PAX5: variants seen among roughly 807,000 people sequenced by gnomAD.
The protein encoded by PAX5 is paired box protein Pax-5.
PAX5 carries 9 observed loss-of-function variants against 43.7 expected under a neutral mutation model. The observed-to-expected ratio is 0.21, with a 90% CI of 0.12 to 0.36. The LOEUF (loss-of-function observed/expected upper bound fraction) is 0.36, where lower values mean the gene tolerates loss of function less well. PAX5 is among the 10% of genes least tolerant of loss of function. The probability of loss-of-function intolerance (pLI) is 1.00; values close to 1 mark genes in which losing one functional copy is unlikely to be tolerated. For missense variants in PAX5, 383 were observed against 532.7 expected, an observed-to-expected ratio of 0.72 and a Z score of 2.77; for synonymous variants, 228 against 214.3, an observed-to-expected ratio of 1.06 and a Z score of -0.56.
chr9:36,903,853 T>A (rs1828598514), intron 7 of PAX5, among the ~76,000 whole-genome samples: 1 of 152,182 alleles, frequency 6.6e-6, no homozygotes. Context: ...TCAGCTCTGT[T>A]CTTCAGATAG....
At chr9:37,006,950 A>C (rs1009832374) in intron 3 of PAX5, among the ~76,000 whole-genome samples, 1 of 152,148 alleles carries the variant, frequency 6.6e-6, no homozygotes, top group African/African-American at 2.4e-5. Context: ...TGTGGAATGA[A>C]GGAACTGAAC....
chr9:36,981,194 C>CG (rs1554676928), intron 5 of PAX5, among the ~76,000 whole-genome samples: 5 of 140,772 alleles, frequency 3.6e-5, no homozygotes, highest in Non-Finnish European at 4.8e-5. Context: ...AGCCCCCCCC[C>CG]CCTCAGCCCT....
intron 1 of PAX5, among the ~76,000 whole-genome samples, chr9:37,024,665 A>C (rs1840144467): frequency 6.6e-6 from 1 of 151,972 alleles, no homozygotes; most frequent in Non-Finnish European, 1.5e-5. Context: ...TGCCAGGGAG[A>C]TTGAAAATGG....
At chr9:36,968,730 C>A (rs1266059789) in intron 5 of PAX5, among the ~76,000 whole-genome samples, 1 of 152,174 alleles carries the variant, frequency 6.6e-6, no homozygotes, top group Non-Finnish European at 1.5e-5. Context: ...CCTGCTCCTG[C>A]CCACAGGACA....
intron 6 of PAX5, among the ~76,000 whole-genome samples, chr9:36,955,778 A>AT (rs1377679993): frequency 1.6e-4 from 12 of 76,992 alleles, no homozygotes; most frequent in African/African-American, 3.2e-4. Context: ...TTCAAAAAAA[A>AT]AAAAATATAT....
chr9:36,873,433 G>A (rs7026985), intron 8 of PAX5, among the ~76,000 whole-genome samples: 37,733 of 152,158 alleles, frequency 0.25, 5,794 homozygotes, highest in African/African-American at 0.44. Flanking sequence ...GGTCAAGTCT[G>A]TGTTCCTGCT....
In PAX5 at chr9:36,840,542, C is replaced by T. The variant is rs781779853; in HGVS notation, c.*18G>A. The stretch of plus-strand genomic sequence containing the variant: ...CAATAGGTGCCATCAGTGTTTGGTG[C>T]CCGCCTGGCTCCAAGGGTCAGTGAC... On this transcript the variant is annotated 3_prime_UTR_variant, in exon 10 of 10. Transcript: ENST00000358127. 1.3e-6 allele frequency: 2 copies of T among 1,574,326 alleles called. No homozygotes were observed. Among genetic ancestry groups the T allele is most frequent in the African/African-American group, 2.7e-5 (2 of 74,514 alleles).
chr9:36,982,469 G>C, intron 5 of PAX5, among the ~76,000 whole-genome samples: 1 of 152,122 alleles, frequency 6.6e-6, no homozygotes, highest in East Asian at 1.9e-4. Flanking sequence ...AAGGCCTGGA[G>C]ATGGACTTAC....
intron 8 of PAX5, among the ~76,000 whole-genome samples, chr9:36,865,002 C>T (rs1308994080): frequency 6.6e-6 from 1 of 152,250 alleles, no homozygotes; most frequent in Admixed American, 6.5e-5. Context: ...GGCCTTCCCG[C>T]CCGCGAAGGA....
intron 5 of PAX5, among the ~76,000 whole-genome samples, chr9:36,996,635 C>T (rs1443454205): frequency 2.0e-5 from 3 of 152,212 alleles, no homozygotes; most frequent in African/African-American, 7.2e-5. Flanking sequence ...ATCTATGCAT[C>T]CAGGGAAGGA....
chr9:37,022,551 A>G (rs1839944383), intron 1 of PAX5, among the ~76,000 whole-genome samples: 1 of 152,234 alleles, frequency 6.6e-6, no homozygotes, highest in African/African-American at 2.4e-5. Flanking sequence ...TTTTGATATG[A>G]CCTGGGAGTC....
chr9:37,011,144 A>AG (rs34093187), intron 3 of PAX5, among the ~76,000 whole-genome samples: 1,635 of 145,596 alleles, frequency 0.011, 12 homozygotes, highest in Non-Finnish European at 0.016. Flanking sequence ...AAAAAAAAAA[A>AG]AAAGAAAGAG....
At chr9:36,889,996 TATCTC>T (rs1238453149) in intron 7 of PAX5, among the ~76,000 whole-genome samples, 1 of 151,444 alleles carries the variant, frequency 6.6e-6, no homozygotes, top group Non-Finnish European at 1.5e-5. Context: ...ATAATGAACT[TATCTC>T]ATTTTGCTAC....
At chr9:36,862,313 T>A (rs920208154) in intron 8 of PAX5, among the ~76,000 whole-genome samples, 14 of 152,094 alleles carry the variant, frequency 9.2e-5, no homozygotes, top group Non-Finnish European at 1.9e-4. Flanking sequence ...GGACGATGCA[T>A]CCCGATTCTC....
At chr9:36,923,149 C>G (rs1407738791) in intron 7 of PAX5, 1 of 558,516 alleles carries the variant, frequency 1.8e-6, no homozygotes, top group Admixed American at 3.1e-5. Flanking sequence ...TTTGTTCTCC[C>G]CAGCTTTGTT....
At chr9:36,972,483 G>C (rs1371509837) in intron 5 of PAX5, among the ~76,000 whole-genome samples, 1 of 152,192 alleles carries the variant, frequency 6.6e-6, no homozygotes, top group Admixed American at 6.5e-5. Flanking sequence ...GTGCTAAGTA[G>C]TATTAAATGA....
chr9:36,980,984 G>A (rs1412543781), intron 5 of PAX5, among the ~76,000 whole-genome samples: 3 of 151,736 alleles, frequency 2.0e-5, no homozygotes, highest in South Asian at 4.2e-4. Flanking sequence ...CTCTTTCCCC[G>A]CTTATTCTGC....
At chr9:37,019,423 G>A (rs903404171) in intron 2 of PAX5, among the ~76,000 whole-genome samples, 1 of 152,106 alleles carries the variant, frequency 6.6e-6, no homozygotes, top group Non-Finnish European at 1.5e-5. Context: ...TGGAGGATGC[G>A]GAATGAACCC....
At position 36,834,617 on chromosome 9, in the gene PAX5, A is replaced by C. The variant is rs1425358863; in HGVS notation, c.*5943T>G. 1 of 233,220 alleles carries C rather than the reference A, an allele frequency of 4.3e-6. No individual in the cohort carries two copies. The highest frequency in any genetic ancestry group is 2.2e-5 in the African/African-American group (1 of 45,350). 14.4% of individuals were successfully genotyped at this position (233,220 alleles called of 1,614,324 possible). A position where few individuals can be genotyped will look rare whatever the true frequency, so the allele number is the denominator to read the frequency against. On this transcript the variant is annotated 3_prime_UTR_variant, in exon 10 of 10. Coordinates refer to ENST00000358127, the MANE Select transcript of PAX5 (RefSeq NM_016734.3). ...TGTTCAACTCTCCATTTCCTCAAAT[A>C]CAATAAAATAGTTTCATTAAAATGT...
Sources: allele counts gnomAD v4.1 joint callset (sites outside exome capture counted in the v4.1 genomes callset), GRCh38; gene constraint gnomAD v4.1.1; transcripts MANE v1.5; gene names NCBI Gene and HGNC (gene_info 2026-07-23, HGNC 2026-07-21).